ARK2C: variants seen among roughly 807,000 people sequenced by gnomAD.
ARK2C encodes the protein E3 ubiquitin-protein ligase ARK2C.
chr18:46,453,318 T>C, the ARK2C span, among the ~76,000 whole-genome samples: 10 of 151,966 alleles, frequency 6.6e-5, no homozygotes, highest in African/African-American at 2.4e-4. Flanking sequence ...TAGAAGGAAA[T>C]GAGTGGTGTA....
chr18:46,359,940 C>T, the ARK2C span, among the ~76,000 whole-genome samples: 1 of 152,188 alleles, frequency 6.6e-6, no homozygotes, highest in Non-Finnish European at 1.5e-5. Context: ...TCACACTTAG[C>T]TGCAAGGGAA....
At chr18:46,386,296 C>T in the ARK2C span, 1 of 152,220 alleles carries the variant, frequency 6.6e-6, no homozygotes, top group Admixed American at 6.5e-5. Context: ...GCATTGTCAT[C>T]GTTGCCTTCA....
chr18:46,381,133 T>G, the ARK2C span, among the ~76,000 whole-genome samples: 2 of 152,122 alleles, frequency 1.3e-5, no homozygotes, highest in Non-Finnish European at 2.9e-5. Flanking sequence ...CCCCATGGAG[T>G]GAGACGGCAA....
the ARK2C span, among the ~76,000 whole-genome samples, chr18:46,394,387 C>T: frequency 6.6e-5 from 10 of 152,242 alleles, no homozygotes; most frequent in East Asian, 3.9e-4. Context: ...GTAATTGTGA[C>T]GGGGTTCACT....
chr18:46,372,022 A>G, the ARK2C span, among the ~76,000 whole-genome samples: 1 of 152,206 alleles, frequency 6.6e-6, no homozygotes, highest in Non-Finnish European at 1.5e-5. Flanking sequence ...TGGATGGGCC[A>G]TATCAGGAGA....
the ARK2C span, among the ~76,000 whole-genome samples, chr18:46,423,153 T>G: frequency 1.8e-4 from 27 of 152,310 alleles, no homozygotes; most frequent in African/African-American, 4.3e-4. Flanking sequence ...CCTAAAGCCT[T>G]TCCTTTGGGG....
the ARK2C span, among the ~76,000 whole-genome samples, chr18:46,423,821 C>T: frequency 6.6e-6 from 1 of 152,216 alleles, no homozygotes; most frequent in Non-Finnish European, 1.5e-5. Flanking sequence ...CCATGAAGAA[C>T]TATGCTTCTT....
the ARK2C span, among the ~76,000 whole-genome samples, chr18:46,415,572 C>T: frequency 6.6e-6 from 1 of 151,730 alleles, no homozygotes; most frequent in Non-Finnish European, 1.5e-5. Context: ...AAAAAAGTTG[C>T]TGAAGGAGCC....
chr18:46,334,963 T>A, the ARK2C span: 1 of 152,418 alleles, frequency 6.6e-6, no homozygotes, highest in Non-Finnish European at 1.5e-5. The surrounding 1 kb of genome is among the most constrained non-coding windows in gnomAD (Gnocchi z 4.4). Context: ...TGCATCGCCC[T>A]TGTGCTATTG....
At chr18:46,441,929 C>A in the ARK2C span, among the ~76,000 whole-genome samples, 1 of 149,576 alleles carries the variant, frequency 6.7e-6, no homozygotes, top group South Asian at 2.1e-4. Context: ...CTTTGGGAGG[C>A]CGAGACGGGC....
At chr18:46,453,449 A>G in the ARK2C span, among the ~76,000 whole-genome samples, 1 of 152,186 alleles carries the variant, frequency 6.6e-6, no homozygotes, top group African/African-American at 2.4e-5. Context: ...AACCAATGCT[A>G]AGAATTAAAA....
the ARK2C span, among the ~76,000 whole-genome samples, chr18:46,404,742 GACTCCATCTCAAAACACACACAC>G: frequency 6.6e-6 from 1 of 151,678 alleles, no homozygotes; most frequent in Non-Finnish European, 1.5e-5. Flanking sequence ...CACAGAGCGA[GACTCCATCTCAAAACACACACAC>G]ACAAACACAC....
At chr18:46,338,770 A>C in the ARK2C span, among the ~76,000 whole-genome samples, 1,678 of 152,276 alleles carry the variant, frequency 0.011, 27 homozygotes, top group African/African-American at 0.039. Context: ...TGAGGAAATG[A>C]GTTGATTAAA....
At chr18:46,368,914 T>G in the ARK2C span, among the ~76,000 whole-genome samples, 583 of 152,354 alleles carry the variant, frequency 3.8e-3, 5 homozygotes, top group African/African-American at 0.013. Flanking sequence ...TTTAGAACAG[T>G]GCATGGCACA....
chr18:46,404,291 T>C, the ARK2C span, among the ~76,000 whole-genome samples: 1 of 152,188 alleles, frequency 6.6e-6, no homozygotes, highest in Non-Finnish European at 1.5e-5. Flanking sequence ...GCTGGATGGC[T>C]CGCTTCCTCT....
chr18:46,370,330 A>G, the ARK2C span, among the ~76,000 whole-genome samples: 37 of 152,330 alleles, frequency 2.4e-4, no homozygotes, highest in African/African-American at 8.7e-4. Flanking sequence ...CATCTTGTCC[A>G]AGATAAGACT....
the ARK2C span, among the ~76,000 whole-genome samples, chr18:46,348,250 A>G: frequency 6.7e-6 from 1 of 150,070 alleles, no homozygotes; most frequent in Admixed American, 6.6e-5. Context: ...AGGGGAGGGG[A>G]AGGGCAGGCT....
At chr18:46,403,893 CA>C in the ARK2C span, among the ~76,000 whole-genome samples, 1 of 152,010 alleles carries the variant, frequency 6.6e-6, no homozygotes, top group Admixed American at 6.6e-5. Context: ...CAAAACAAAA[CA>C]AAACAAAATC....
chr18:46,426,586 A>G, the ARK2C span, among the ~76,000 whole-genome samples: 1 of 151,646 alleles, frequency 6.6e-6, no homozygotes, highest in South Asian at 2.1e-4. Context: ...CCCCTGCTTT[A>G]TGGTACAGCT....
Sources: allele counts gnomAD v4.1 joint callset (sites outside exome capture counted in the v4.1 genomes callset), GRCh38; gene constraint gnomAD v4.1.1; non-coding constraint Gnocchi (gnomAD v3.1); transcripts MANE v1.5; gene names NCBI Gene and HGNC (gene_info 2026-07-23, HGNC 2026-07-21).